The following CACNA1B variants were observed in gnomAD, a reference collection of about 807,000 sequenced individuals.
The protein encoded by CACNA1B is voltage-dependent N-type calcium channel subunit alpha-1B.
CACNA1B carries 70 observed loss-of-function variants against 247.2 expected under a neutral mutation model. The observed-to-expected ratio is 0.28, with a 90% CI of 0.23 to 0.35. The LOEUF (loss-of-function observed/expected upper bound fraction) is 0.35. Ranked by LOEUF, CACNA1B falls within the 10% of genes least tolerant of loss-of-function variation. The pLI, the probability that CACNA1B is intolerant of heterozygous loss-of-function variation, is 1.00. For missense variants in CACNA1B, 2,367 were observed against 3,197.4 expected (o/e 0.74, Z 6.26); for synonymous variants, 1,231 against 1,294.4 (o/e 0.95, Z 1.05).
rs559305366 is a variant in CACNA1B at position 137,967,672 on chromosome 9, G to T, written c.1334-3711G>T. ...GTTCCCCACTGAGGAGCGAGATCCAGGCTGCTGTGCCCACTGCAAGTGTCT... is the reference window on the plus strand; with the variant it reads ...GTTCCCCACTGAGGAGCGAGATCCATGCTGCTGTGCCCACTGCAAGTGTCT... On this transcript the variant is annotated intron_variant, in intron 10 of 46. Coordinates refer to ENST00000371372, the MANE Select transcript of CACNA1B (RefSeq NM_000718.4). 2.4e-4 allele frequency among the ~76,000 whole-genome samples: 36 copies of T among 152,068 alleles called. No homozygotes were observed. The South Asian group carries it at 6.9e-3, about 29-fold the overall frequency.
intron 10 of CACNA1B, among the ~76,000 whole-genome samples, chr9:137,960,102 G>A (rs1589033922): frequency 1.4e-5 from 2 of 145,602 alleles, no homozygotes; most frequent in Admixed American, 6.8e-5. Flanking sequence ...GGGAGGGGAG[G>A]TCAGCCTGAG....
At chr9:137,983,466 A>G (rs1334896908) in intron 12 of CACNA1B, among the ~76,000 whole-genome samples, 1 of 152,114 alleles carries the variant, frequency 6.6e-6, no homozygotes, top group East Asian at 1.9e-4. Flanking sequence ...CCCTCCTCAC[A>G]GTCTATCTGA....
rs1588974911 is a variant in CACNA1B at position 137,883,089 on chromosome 9, T to C, written c.530+206T>C. 9.9e-6 allele frequency: 6 copies of C among 608,582 alleles called. No individual in the cohort carries two copies. In the East Asian group the frequency reaches 1.7e-4, roughly 17 times the overall value. 37.7% of individuals were successfully genotyped at this position (608,582 alleles called of 1,614,324 possible). A position where few individuals can be genotyped will look rare whatever the true frequency, so the allele number is the denominator to read the frequency against. On this transcript the variant is annotated intron_variant, in intron 3 of 46. Transcript: ENST00000371372. ...TCTCCCAGGGGTGCCAGTGCTGTAT[T>C]TCTCGCTGACGGATCACAGTGACCT...
intron 11 of CACNA1B, among the ~76,000 whole-genome samples, chr9:137,975,405 C>T (rs974766615): frequency 1.3e-5 from 2 of 152,090 alleles, no homozygotes; most frequent in South Asian, 2.1e-4. Flanking sequence ...TGGGGAGAGG[C>T]GTCTTTCCAC....
Position 137,957,158 on chromosome 9 carries a change from T to A in CACNA1B, c.1243+331T>A, listed in dbSNP as rs1193832327. 1.3e-5 allele frequency among the ~76,000 whole-genome samples: 2 copies of A among 152,196 alleles called. No homozygotes were observed. The highest frequency in any genetic ancestry group is 2.9e-5 in the Non-Finnish European group (2 of 68,028). ...TGGTTGCTGGCACTAGTTACCAGCA[T>A]AGCTGCAGCAGCAGGAAGGCTGCCC... On this transcript the variant is annotated intron_variant, in intron 9 of 46. Transcript: ENST00000371372. The surrounding 1 kb of genome is among the most constrained non-coding windows in gnomAD (Gnocchi z 4.7).
chr9:138,122,464 C>T lies in CACNA1B; in HGVS notation c.*465C>T, dbSNP rs568427722. The T allele has an allele frequency of 6.6e-5, 11 of 167,368 alleles. No individual in the cohort carries two copies. The East Asian group carries it at 6.9e-4, about 11-fold the overall frequency. The allele number at this position is 167,368 out of a possible 1,614,324, so 10.4% of individuals were successfully genotyped here. ...GAGGGGATGGGGAGGGGGACACAGT[C>T]GTGGCTTGTGCAGCCCGCCAGTGTC... On this transcript the variant is annotated 3_prime_UTR_variant, in exon 47 of 47. Coordinates refer to ENST00000371372, the MANE Select transcript of CACNA1B (RefSeq NM_000718.4).
chr9:137,917,122 C>A lies in CACNA1B; in HGVS notation c.776-119C>A. On this transcript the variant is annotated intron_variant, in intron 5 of 46. Coordinates refer to ENST00000371372, the MANE Select transcript of CACNA1B (RefSeq NM_000718.4). The surrounding 1 kb of genome is among the most constrained non-coding windows in gnomAD (Gnocchi z 5.5). Reference sequence around the variant, plus strand: ...ATGGTGGGAAGTTGAGGGAGAGTTTCTGTTGGTGGCTGGTTCCTGCCCACC... The same window carrying A: ...ATGGTGGGAAGTTGAGGGAGAGTTTATGTTGGTGGCTGGTTCCTGCCCACC... 1.2e-6 allele frequency: 1 copy of A among 825,952 alleles called. No individual in the cohort carries two copies. Among genetic ancestry groups the A allele is most frequent in the Middle Eastern group, 2.5e-4 (1 of 4,016 alleles). The allele number at this position is 825,952 out of a possible 1,614,324, so 51.2% of individuals were successfully genotyped here.
chr9:138,041,612 A>G (rs1258388134), intron 20 of CACNA1B, among the ~76,000 whole-genome samples: 1 of 152,004 alleles, frequency 6.6e-6, no homozygotes, highest in Non-Finnish European at 1.5e-5. Flanking sequence ...GATGACTTTC[A>G]TATGATTTTC....
chr9:137,910,677 C>T lies in CACNA1B; in HGVS notation c.531-2503C>T, dbSNP rs138756350. Among the ~76,000 whole-genome samples, 48 of 152,300 alleles carry T rather than the reference C, an allele frequency of 3.2e-4. No homozygotes were observed. The East Asian group carries it at 9.1e-3, about 29-fold the overall frequency. On this transcript the variant is annotated intron_variant, in intron 3 of 46. Transcript: ENST00000371372. ...AGGAGCGTGCAACCTAGATCCCTCA[C>T]ATGTGCAGTTCACAGTAGGATTCAT...
In CACNA1B at chr9:138,112,504, G is replaced by T; in HGVS notation, c.5535G>T (p.Lys1845Asn). ...KTLDLLVPPH[K>N]PDEMTVGKVY... The stretch of plus-strand genomic sequence containing the variant: ...TGGACTTGCTGGTACCACCCCATAA[G>T]CGTAAGTGTGAGGGTGAGAAATGCC... Residue 1845 changes from lysine (K) to asparagine (N), a missense_variant and splice_region_variant, in exon 40 of 47, where the codon AAG (lysine) becomes AAT (asparagine). Transcript: ENST00000371372. 6.3e-7 allele frequency: 1 copy of T among 1,589,640 alleles called. No homozygotes were observed. Among genetic ancestry groups the T allele is most frequent in the Non-Finnish European group, 8.6e-7 (1 of 1,157,694 alleles).
intron 10 of CACNA1B, among the ~76,000 whole-genome samples, chr9:137,961,145 A>T (rs1013537438): frequency 5.3e-5 from 8 of 151,682 alleles, no homozygotes; most frequent in Admixed American, 2.6e-4. Flanking sequence ...TTTTATTTTT[A>T]TTTTTTTGTG....
At chr9:138,000,334 G>T (rs7022795) in intron 15 of CACNA1B, among the ~76,000 whole-genome samples, 1 of 151,850 alleles carries the variant, frequency 6.6e-6, no homozygotes, top group Admixed American at 6.6e-5. Flanking sequence ...TCCTGACCTC[G>T]TGATCAGCCC....
At chr9:138,120,936 C>A in intron 46 of CACNA1B, 55 bp downstream of exon 46, 2 of 1,512,846 alleles carry the variant, frequency 1.3e-6, no homozygotes, top group Non-Finnish European at 1.8e-6. Flanking sequence ...CGGCCCAGCA[C>A]CCCTGTCCCA....
intron 10 of CACNA1B, among the ~76,000 whole-genome samples, chr9:137,963,285 A>T (rs1958040232): frequency 6.6e-6 from 1 of 152,022 alleles, no homozygotes; most frequent in East Asian, 1.9e-4. Context: ...TTTGCATGTG[A>T]TGTGGGTCTT....
rs1959283152 is a variant in CACNA1B, at chr9:138,051,606, G to A, written c.3711-486G>A. 6.6e-6 allele frequency among the ~76,000 whole-genome samples: 1 copy of A among 151,858 alleles called. No homozygotes were observed. Among genetic ancestry groups the A allele is most frequent in the African/African-American group, 2.4e-5 (1 of 41,276 alleles). On this transcript the variant is annotated intron_variant, in intron 24 of 46. Transcript: ENST00000371372. This position sits in a 1 kb window ranked among gnomAD's most constrained non-coding sequence, Gnocchi z 4.3. Reference sequence around the variant, plus strand: ...TTCCCGCTGTCGGTTTCACGTCAGCGGGAGGAATGTTAGGACGGCTGAGGA... The same window carrying A: ...TTCCCGCTGTCGGTTTCACGTCAGCAGGAGGAATGTTAGGACGGCTGAGGA...
chr9:138,107,562 C>A (rs933095854), intron 39 of CACNA1B, among the ~76,000 whole-genome samples: 1 of 152,068 alleles, frequency 6.6e-6, no homozygotes. Flanking sequence ...TGTGGCCACT[C>A]CTCTCCCTTA....
Position 138,058,489 on chromosome 9 carries a change from CGAGACAGGGCTGGGTGCAGTA to C in CACNA1B, c.4309-77_4309-57del. On this transcript the variant is annotated intron_variant, in intron 28 of 46. Transcript: ENST00000371372. This position sits in a 1 kb window ranked among gnomAD's most constrained non-coding sequence, Gnocchi z 4.7. ...TGTCAGGGCTCCCTGTGAGGCCTGG[CGAGACAGGGCTGGGTGCAGTA>C]GATGCCGTCGGGTAGGTTTTCTGCT... The C allele has an allele frequency of 7.5e-7, 1 of 1,327,604 alleles. No individual in the cohort carries two copies. The highest frequency in any genetic ancestry group is 1.0e-6 in the Non-Finnish European group (1 of 960,636). The allele number at this position is 1,327,604 out of a possible 1,614,324, so 82.2% of individuals were successfully genotyped here. A position where few individuals can be genotyped will look rare whatever the true frequency, so the allele number is the denominator to read the frequency against.
intron 25 of CACNA1B, among the ~76,000 whole-genome samples, 160 bp from the exon 26 acceptor site, chr9:138,053,686 C>T (rs1237214389): frequency 1.4e-5 from 2 of 142,324 alleles, no homozygotes; most frequent in Non-Finnish European, 3.1e-5. Context: ...CCCCTTTCCT[C>T]ATGGCCCCAC....
rs180972141 is a variant in CACNA1B at position 138,054,983 on chromosome 9, T to C, written c.3968+977T>C. ...GTCCTGTGTCTGCTGTCTGCCTCTT[T>C]CCTGTCGGTTACTAGGAATCATGTA... On this transcript the variant is annotated intron_variant, in intron 26 of 46. Coordinates refer to ENST00000371372, the MANE Select transcript of CACNA1B (RefSeq NM_000718.4). The surrounding 1 kb of genome is among the most constrained non-coding windows in gnomAD (Gnocchi z 4.6). 6.6e-6 allele frequency among the ~76,000 whole-genome samples: 1 copy of C among 152,290 alleles called. No individual in the cohort carries two copies. Among genetic ancestry groups the C allele is most frequent in the Non-Finnish European group, 1.5e-5 (1 of 68,018 alleles).
Sources: allele counts gnomAD v4.1 joint callset (sites outside exome capture counted in the v4.1 genomes callset), GRCh38; gene constraint gnomAD v4.1.1; non-coding constraint Gnocchi (gnomAD v3.1); transcripts MANE v1.5; gene names NCBI Gene and HGNC (gene_info 2026-07-23, HGNC 2026-07-21).